Variants in GNPTAB observed in about 807,000 individuals in gnomAD.
GNPTAB encodes N-acetylglucosamine-1-phosphate transferase subunits alpha and beta.
A neutral mutation model predicts 136.6 loss-of-function variants in GNPTAB; 92 were observed. The ratio of observed to expected loss-of-function variants is 0.67; its 90% confidence interval spans 0.57 to 0.80. GNPTAB has a LOEUF of 0.80. Ranked by LOEUF, GNPTAB falls within the 30% of genes least tolerant of loss-of-function variation. The pLI is 0.00. For missense variants in GNPTAB, 1,343 were observed against 1,501.8 expected (o/e 0.89, Z 1.75); for synonymous variants, 512 against 535.1 (o/e 0.96, Z 0.60).
intron 1 of GNPTAB, among the ~76,000 whole-genome samples, chr12:101,820,794 A>G (rs1870751217): frequency 6.6e-6 from 1 of 152,174 alleles, no homozygotes; most frequent in East Asian, 1.9e-4. Context: ...ACAGTGGCTC[A>G]CACCTGTAAT....
chr12:101,815,220 A>C (rs1236873343), intron 1 of GNPTAB, among the ~76,000 whole-genome samples: 1 of 152,090 alleles, frequency 6.6e-6, no homozygotes, highest in Non-Finnish European at 1.5e-5. Context: ...GGGGCATGCC[A>C]CTATGCTGGC....
chr12:101,827,328 T>C (rs1871141265), intron 1 of GNPTAB, among the ~76,000 whole-genome samples: 1 of 152,088 alleles, frequency 6.6e-6, no homozygotes, highest in South Asian at 2.1e-4. Context: ...CTCAAACTCC[T>C]GAGCTCAAGC....
chr12:101,750,874 G>A (rs560506857), intron 19 of GNPTAB, among the ~76,000 whole-genome samples: 4 of 152,126 alleles, frequency 2.6e-5, no homozygotes, highest in Non-Finnish European at 4.4e-5. Flanking sequence ...CTCCCAGTTC[G>A]TCTATTGCTT....
Position 101,813,211 on chromosome 12 carries a change from T to C in GNPTAB, c.118-16449A>G, listed in dbSNP as rs191053198. On this transcript the variant is annotated intron_variant, in intron 1 of 20. Coordinates refer to ENST00000299314, the MANE Select transcript of GNPTAB (RefSeq NM_024312.5). ...GAGTATGAATTTCATATAATTTTCA[T>C]GTTGTTGTGAAACATTAATTTTTAA... Among the ~76,000 whole-genome samples the C allele has an allele frequency of 1.8e-3, 269 of 152,352 alleles. 1 individual carries two copies. Among genetic ancestry groups the C allele is most frequent in the Admixed American group, 3.3e-3 (50 of 15,304 alleles).
intron 1 of GNPTAB, among the ~76,000 whole-genome samples, chr12:101,815,180 AC>A (rs1870453450): frequency 6.6e-6 from 1 of 152,028 alleles, no homozygotes; most frequent in Non-Finnish European, 1.5e-5. Flanking sequence ...CAGTCCTCCC[AC>A]CTCAGCCTCC....
intron 2 of GNPTAB, among the ~76,000 whole-genome samples, chr12:101,795,276 T>C (rs564770502): frequency 6.6e-6 from 1 of 152,312 alleles, no homozygotes; most frequent in South Asian, 2.1e-4. Flanking sequence ...AGCCCTCCAC[T>C]GCAAGCTAAA....
intron 1 of GNPTAB, among the ~76,000 whole-genome samples, chr12:101,822,861 T>A (rs1039754238): frequency 2.6e-5 from 4 of 152,182 alleles, no homozygotes; most frequent in African/African-American, 9.7e-5. Flanking sequence ...TGGCTACACA[T>A]CCCACAAGGT....
At chr12:101,816,146 G>A (rs1312450221) in intron 1 of GNPTAB, among the ~76,000 whole-genome samples, 1 of 152,074 alleles carries the variant, frequency 6.6e-6, no homozygotes, top group Non-Finnish European at 1.5e-5. Context: ...GAGACTTACG[G>A]AGTAAGACCT....
chr12:101,822,058 C>T (rs1870827228), intron 1 of GNPTAB, among the ~76,000 whole-genome samples: 1 of 152,172 alleles, frequency 6.6e-6, no homozygotes, highest in South Asian at 2.1e-4. Context: ...AAGCAGGTGA[C>T]CACTCCTGAG....
rs752590435 is a variant in GNPTAB, at chr12:101,764,478, T to A, written c.2439A>T (p.Thr813=). The change falls in exon 13 of 21, where the codon ACA becomes ACT. Residue 813 remains threonine, a synonymous_variant. Transcript: ENST00000299314. ...GQNPPLDLET[T]ARFRVETHTQ... ...TGTGAGTTTCCACTCTAAATCTTGC[T>A]GTGGTCTCCAAGTCCAGGGGTGGAT... is the stretch of plus-strand genomic sequence containing the variant. 2.9e-5 allele frequency: 46 copies of A among 1,613,912 alleles called. No individual in the cohort carries two copies. In the South Asian group the frequency reaches 4.4e-4, roughly 15 times the overall value.
intron 18 of GNPTAB, among the ~76,000 whole-genome samples, chr12:101,754,278 A>G (rs746982679): frequency 2.0e-5 from 3 of 151,820 alleles, no homozygotes; most frequent in African/African-American, 4.8e-5. Context: ...AATACAAAAA[A>G]ATTAGCCGGG....
At chr12:101,757,369 C>T (rs1952917151) in intron 17 of GNPTAB, 59 bp from the exon 18 acceptor site, 4 of 1,073,680 alleles carry the variant, frequency 3.7e-6, no homozygotes, top group African/African-American at 1.6e-5. Flanking sequence ...AAAAATAAAA[C>T]TTCAATAGAA....
intron 17 of GNPTAB, 93 bp from the exon 18 acceptor site, chr12:101,757,403 G>T: frequency 1.2e-6 from 1 of 834,464 alleles, no homozygotes; most frequent in Non-Finnish European, 2.0e-6. Flanking sequence ...AAACCGTAGT[G>T]GACTCAACAT....
At chr12:101,795,648 G>A (rs993411493) in intron 2 of GNPTAB, among the ~76,000 whole-genome samples, 1 of 151,988 alleles carries the variant, frequency 6.6e-6, no homozygotes, top group African/African-American at 2.4e-5. Context: ...AGCTACTTGG[G>A]AGGCTGAGGC....
chr12:101,811,383 CTTT>C (rs11356611), intron 1 of GNPTAB, among the ~76,000 whole-genome samples: 4 of 142,654 alleles, frequency 2.8e-5, no homozygotes, highest in South Asian at 2.2e-4. Flanking sequence ...ATAATTTTTT[CTTT>C]TTTTTTTTTT....
At chr12:101,824,432 A>ATATATATATATTTTTTT (rs1188582277) in intron 1 of GNPTAB, among the ~76,000 whole-genome samples, 1 of 50,884 alleles carries the variant, frequency 2.0e-5, no homozygotes, top group Non-Finnish European at 3.5e-5. Context: ...ATATATATAT[A>ATATATATATATTTTTTT]TTTTCTTTTT....
At chr12:101,757,190 A>T in intron 18 of GNPTAB, 22 bp downstream of exon 18, 1 of 1,255,692 alleles carries the variant, frequency 8.0e-7, no homozygotes, top group Non-Finnish European at 1.2e-6. Context: ...CATAATTAAA[A>T]ATTATATATA....
At chr12:101,772,230 C>A (rs1328608146) in intron 7 of GNPTAB, among the ~76,000 whole-genome samples, 1 of 152,204 alleles carries the variant, frequency 6.6e-6, no homozygotes, top group African/African-American at 2.4e-5. Context: ...GGCCTGAAAA[C>A]CACAAATGTA....
intron 12 of GNPTAB, chr12:101,765,620 C>T: frequency 2.6e-6 from 1 of 380,100 alleles, no homozygotes; most frequent in African/African-American, 2.1e-5. Context: ...ACAATAATTA[C>T]CATGAAATAG....
Sources: gnomAD v4.1 joint callset for allele counts (sites outside exome capture counted in the v4.1 genomes callset) on GRCh38, gnomAD v4.1.1 for gene constraint, MANE v1.5 for transcripts, NCBI Gene and HGNC (gene_info 2026-07-23, HGNC 2026-07-21) for gene names.